NR3C1: variants seen among roughly 807,000 people sequenced by gnomAD.
NR3C1 encodes glucocorticoid receptor.
NR3C1 carries 14 observed loss-of-function variants against 74.0 expected under a neutral mutation model. That is an observed-to-expected ratio of 0.19 (90% CI 0.12 to 0.30). NR3C1 has a LOEUF of 0.30. Ranked by LOEUF, NR3C1 falls within the 10% of genes least tolerant of loss-of-function variation. The pLI is 1.00. For missense variants in NR3C1, 695 were observed against 909.8 expected, an observed-to-expected ratio of 0.76 and a Z score of 3.04; for synonymous variants, 308 against 332.5, an observed-to-expected ratio of 0.93 and a Z score of 0.80.
chr5:143,405,795 C>T (rs963009576), upstream of NR3C1, among the ~76,000 whole-genome samples: 3 of 152,308 alleles, frequency 2.0e-5, no homozygotes, highest in East Asian at 3.9e-4. Context: ...GCAGACTCCG[C>T]TTCTCCTGTC....
chr5:143,388,455 CT>C (rs1302737806), intron 2 of NR3C1, among the ~76,000 whole-genome samples: 2 of 152,138 alleles, frequency 1.3e-5, no homozygotes, highest in Non-Finnish European at 2.9e-5. Flanking sequence ...TTGTAGAGGT[CT>C]TACTATGTGC....
chr5:143,352,160 G>A (rs1430348542), intron 2 of NR3C1, among the ~76,000 whole-genome samples: 3 of 152,056 alleles, frequency 2.0e-5, no homozygotes, highest in Non-Finnish European at 4.4e-5. Flanking sequence ...AATGCGGTAT[G>A]CTGATGACAA....
At chr5:143,387,337 T>C (rs1419743843) in intron 2 of NR3C1, among the ~76,000 whole-genome samples, 1 of 152,242 alleles carries the variant, frequency 6.6e-6, no homozygotes, top group African/African-American at 2.4e-5. Context: ...CATTTAAGAT[T>C]TCCCTAATTT....
chr5:143,287,421 A>G (rs1236035865), intron 7 of NR3C1, among the ~76,000 whole-genome samples: 2 of 152,276 alleles, frequency 1.3e-5, no homozygotes, highest in East Asian at 1.9e-4. Context: ...CAACTCAGAC[A>G]AAATGGCTCA....
intron 2 of NR3C1, among the ~76,000 whole-genome samples, chr5:143,327,619 C>G (rs1824921068): frequency 6.6e-6 from 1 of 152,230 alleles, no homozygotes; most frequent in African/African-American, 2.4e-5. Flanking sequence ...AATGAGGGAA[C>G]AGGCATTGGG....
intron 1 of NR3C1, among the ~76,000 whole-genome samples, chr5:143,422,257 C>T (rs1275390151): frequency 1.3e-5 from 2 of 152,330 alleles, no homozygotes; most frequent in African/African-American, 4.8e-5. Flanking sequence ...TATCTGGGCT[C>T]TGCCTCCCAA....
intron 2 of NR3C1, among the ~76,000 whole-genome samples, chr5:143,345,547 G>A (rs916243575): frequency 1.3e-5 from 2 of 152,152 alleles, no homozygotes; most frequent in African/African-American, 4.8e-5. Context: ...TAAAGTCTGC[G>A]ATAATCATTC....
chr5:143,381,728 T>C (rs748460484), intron 2 of NR3C1, among the ~76,000 whole-genome samples: 2 of 152,104 alleles, frequency 1.3e-5, no homozygotes, highest in South Asian at 4.1e-4. Flanking sequence ...TGGATATCCA[T>C]AGGCAGAATG....
At chr5:143,310,948 G>A (rs953668791) in intron 3 of NR3C1, among the ~76,000 whole-genome samples, 5 of 152,178 alleles carry the variant, frequency 3.3e-5, no homozygotes, top group African/African-American at 1.2e-4. Flanking sequence ...GAGCCACCAC[G>A]CCCAGCCAAT....
At chr5:143,332,920 G>C (rs1038119959) in intron 2 of NR3C1, 2 of 1,547,496 alleles carry the variant, frequency 1.3e-6, no homozygotes, top group Non-Finnish European at 1.8e-6. Context: ...GTGACCTGGG[G>C]ATTTCCAAAT....
At chr5:143,426,640 T>A (rs184118801) in intron 1 of NR3C1, among the ~76,000 whole-genome samples, 1 of 152,366 alleles carries the variant, frequency 6.6e-6, no homozygotes, top group Admixed American at 6.5e-5. Context: ...TGACTAATTT[T>A]TAAACTCCCA....
intron 4 of NR3C1, among the ~76,000 whole-genome samples, chr5:143,303,522 C>G (rs1387344287): frequency 6.6e-6 from 1 of 151,976 alleles, no homozygotes; most frequent in Non-Finnish European, 1.5e-5. Flanking sequence ...GGTACTAATC[C>G]TACTAAAACT....
chr5:143,427,477 T>C (rs1194572756), intron 1 of NR3C1, among the ~76,000 whole-genome samples: 1 of 152,066 alleles, frequency 6.6e-6, no homozygotes, highest in Non-Finnish European at 1.5e-5. Flanking sequence ...GAAAGATAGT[T>C]GGCAAAACAA....
chr5:143,284,164 C>T (rs1281618627), intron 7 of NR3C1, among the ~76,000 whole-genome samples: 1 of 152,056 alleles, frequency 6.6e-6, no homozygotes, highest in East Asian at 1.9e-4. Context: ...ACTGCCACTT[C>T]CGCCTCCCAG....
At chr5:143,435,298 G>C (rs1396550219) in exon 1 of NR3C1, 1 of 985,218 alleles carries the variant, frequency 1.0e-6, no homozygotes, top group East Asian at 1.1e-4. Context: ...AAAGATTTCT[G>C]ACCTTCTAAG....
upstream of NR3C1, chr5:143,403,892 C>T (rs913971231): frequency 2.4e-5 from 24 of 980,092 alleles, no homozygotes; most frequent in Non-Finnish European, 2.9e-5. Flanking sequence ...GCCCGCGTCC[C>T]CTGGCGTGGC....
At chr5:143,397,986 C>T (rs1289076478) in intron 2 of NR3C1, among the ~76,000 whole-genome samples, 2 of 151,820 alleles carry the variant, frequency 1.3e-5, no homozygotes, top group Non-Finnish European at 3.0e-5. Context: ...GGGCAAAATC[C>T]ATTAATAATC....
At chr5:143,404,388 G>A (rs1840917524), upstream of NR3C1, 2 of 985,506 alleles carry the variant, frequency 2.0e-6, no homozygotes, top group Non-Finnish European at 2.4e-6. Flanking sequence ...TGGGCCCGGG[G>A]GGAGTCGCGT....
chr5:143,345,058 G>A (rs1263089525), intron 2 of NR3C1, among the ~76,000 whole-genome samples: 1 of 152,116 alleles, frequency 6.6e-6, no homozygotes, highest in African/African-American at 2.4e-5. Context: ...TGTCTGAAGG[G>A]TCCCAGTTTG....
Sources: allele counts gnomAD v4.1 joint callset (sites outside exome capture counted in the v4.1 genomes callset), GRCh38; gene constraint gnomAD v4.1.1; transcripts MANE v1.5; gene names NCBI Gene and HGNC (gene_info 2026-07-23, HGNC 2026-07-21).